The following COL21A1 variants were observed in gnomAD, a reference collection of about 807,000 sequenced individuals.
The protein encoded by COL21A1 is collagen type XXI alpha 1 chain, also known as collagen alpha-1(XXI) chain.
A neutral mutation model predicts 137.9 loss-of-function variants in COL21A1; 149 were observed. The ratio of observed to expected loss-of-function variants is 1.08; its 90% CI spans 0.95 to 1.24. COL21A1 has a LOEUF of 1.24. COL21A1 is among the 50% of genes most tolerant of loss of function. COL21A1 has a pLI of 0.00. For synonymous variants in COL21A1, 456 were observed against 391.5 expected, an observed-to-expected ratio of 1.16 and a Z score of -1.95; for missense variants, 1,167 against 1,158.4, an observed-to-expected ratio of 1.01 and a Z score of -0.11.
In COL21A1 at chr6:56,060,082, T is replaced by G; in HGVS notation, c.2544A>C (p.Pro848=). The change falls in exon 28 of 30, where the codon CCA becomes CCC. Residue 848 remains proline (P), a synonymous_variant. Coordinates refer to ENST00000244728, the MANE Select transcript of COL21A1 (RefSeq NM_030820.4). ...PEGPRGLPGL[P]GRDGVPGLVG... Reference sequence around the variant, plus strand: ...CTAATCCAGGAACACCATCTCTTCCTGGCAAACCAGGTAATCCTCTGGGAC... The same window carrying G: ...CTAATCCAGGAACACCATCTCTTCCGGGCAAACCAGGTAATCCTCTGGGAC... 6.2e-7 allele frequency: 1 copy of G among 1,610,968 alleles called. No homozygotes were observed. The highest frequency in any genetic ancestry group is 8.5e-7 in the Non-Finnish European group (1 of 1,179,036).
At position 56,170,854 on chromosome 6, in the gene COL21A1, G is replaced by C; in HGVS notation, c.821C>G (p.Pro274Arg). The C allele has an allele frequency of 6.2e-7, 1 of 1,609,038 alleles. No homozygotes were observed. The highest frequency in any genetic ancestry group is 8.5e-7 in the Non-Finnish European group (1 of 1,177,342). Residue 274 changes from proline (P) to arginine (R), a missense_variant, in exon 5 of 30, where the codon CCA becomes CGA. Coordinates refer to ENST00000244728, the MANE Select transcript of COL21A1 (RefSeq NM_030820.4). ...DLSELTSNVFPEGLPPSYVFV... is the reference protein window; with the variant it reads ...DLSELTSNVFREGLPPSYVFV... ...TACATATGATGGAGGAAGACCTTCTGGGAAAACATTGCTAGAAAAAGAAGA... is the reference window on the plus strand; with the variant it reads ...TACATATGATGGAGGAAGACCTTCTCGGAAAACATTGCTAGAAAAAGAAGA...
chr6:56,205,649 TC>T (rs1458072762), intron 1 of COL21A1, among the ~76,000 whole-genome samples: 1 of 151,962 alleles, frequency 6.6e-6, no homozygotes. Flanking sequence ...ACAAAGATAC[TC>T]CTTGAGAAGA....
At chr6:56,368,240 G>A (rs1283385998) in intron 1 of COL21A1, among the ~76,000 whole-genome samples, 1 of 152,060 alleles carries the variant, frequency 6.6e-6, no homozygotes, top group Non-Finnish European at 1.5e-5. Context: ...ATTAAAATAA[G>A]TTATTCTAGG....
chr6:56,196,525 C>A (rs1212081058), intron 1 of COL21A1, among the ~76,000 whole-genome samples: 2 of 151,982 alleles, frequency 1.3e-5, no homozygotes, highest in Non-Finnish European at 2.9e-5. Context: ...TTGTGGGATA[C>A]AAAATCAACA....
intron 1 of COL21A1, among the ~76,000 whole-genome samples, chr6:56,349,777 G>A (rs1277483279): frequency 6.6e-6 from 1 of 152,064 alleles, no homozygotes; most frequent in Admixed American, 6.6e-5. Context: ...TCATTTTAAT[G>A]AAAGACCATT....
At chr6:56,144,803 C>T (rs867628946) in intron 10 of COL21A1, among the ~76,000 whole-genome samples, 15 of 152,148 alleles carry the variant, frequency 9.9e-5, no homozygotes, top group South Asian at 2.1e-4. Context: ...AGTGGAAAGA[C>T]GATGAATTTG....
At position 56,145,251 on chromosome 6, in the gene COL21A1, G is replaced by A. The variant is rs184015667; in HGVS notation, c.1435-3268C>T. 6.8e-4 allele frequency among the ~76,000 whole-genome samples: 104 copies of A among 152,212 alleles called. 1 individual carries two copies. Among genetic ancestry groups the A allele is most frequent in the Admixed American group, 1.2e-3 (18 of 15,286 alleles). On this transcript the variant is annotated intron_variant, in intron 10 of 29. Transcript: ENST00000244728. ...TATCTTTGGAGGAATTACAATATAG[G>A]AATAATAAGTGCTTCTCACAATTTG...
chr6:56,301,520 T>C (rs769400355), intron 1 of COL21A1, among the ~76,000 whole-genome samples: 1 of 152,148 alleles, frequency 6.6e-6, no homozygotes, highest in Non-Finnish European at 1.5e-5. Context: ...AAGTTTGTGA[T>C]AGTTTTTTAG....
At chr6:56,314,168 A>T (rs1764675482) in intron 1 of COL21A1, among the ~76,000 whole-genome samples, 1 of 152,134 alleles carries the variant, frequency 6.6e-6, no homozygotes, top group African/African-American at 2.4e-5. Context: ...GTATTTTAGT[A>T]GAGGCAGGGT....
At chr6:56,123,846 A>G (rs554182671) in intron 16 of COL21A1, among the ~76,000 whole-genome samples, 1 of 152,344 alleles carries the variant, frequency 6.6e-6, no homozygotes, top group South Asian at 2.1e-4. Context: ...CAACCTTGTA[A>G]TATCCTATGA....
At chr6:56,189,174 C>G (rs899792287) in intron 1 of COL21A1, among the ~76,000 whole-genome samples, 1 of 151,876 alleles carries the variant, frequency 6.6e-6, no homozygotes, top group Non-Finnish European at 1.5e-5. Context: ...CTCCTTCAAG[C>G]TAAAGGAGCA....
chr6:56,317,636 T>C (rs186001438), intron 1 of COL21A1, among the ~76,000 whole-genome samples: 25 of 152,284 alleles, frequency 1.6e-4, no homozygotes, highest in Non-Finnish European at 3.7e-4. Flanking sequence ...CCAATGGCAT[T>C]GGTCACTACA....
chr6:56,085,768 T>G lies in COL21A1; in HGVS notation c.1813-8195A>C, dbSNP rs1376461985. On this transcript the variant is annotated intron_variant, in intron 17 of 29. Transcript: ENST00000244728. The stretch of plus-strand genomic sequence containing the variant: ...GATTTATCAGGAGCAGAATGGCCCC[T>G]AGAAAACTGAATTTTAATAGGCATT... Among the ~76,000 whole-genome samples the G allele has an allele frequency of 2.0e-5, 3 of 151,938 alleles. No homozygotes were observed. The East Asian group carries it at 5.8e-4, about 29-fold the overall frequency.
At chr6:56,154,169 A>G (rs1775554484) in intron 10 of COL21A1, among the ~76,000 whole-genome samples, 2 of 152,062 alleles carry the variant, frequency 1.3e-5, no homozygotes, top group South Asian at 4.1e-4. Context: ...AAAAAGGATG[A>G]CTGACCCCCT....
chr6:56,243,122 AT>A (rs1782438926), intron 1 of COL21A1, among the ~76,000 whole-genome samples: 1 of 152,198 alleles, frequency 6.6e-6, no homozygotes, highest in South Asian at 2.1e-4. Flanking sequence ...CATTCTAAAA[AT>A]TCTATGAGTA....
intron 1 of COL21A1, among the ~76,000 whole-genome samples, chr6:56,305,105 T>C (rs1764409513): frequency 1.3e-5 from 2 of 152,248 alleles, no homozygotes; most frequent in South Asian, 4.1e-4. Context: ...AGACAGTTTG[T>C]TACAATTTCT....
intron 1 of COL21A1, among the ~76,000 whole-genome samples, chr6:56,323,697 C>G (rs1293638476): frequency 6.6e-6 from 1 of 152,088 alleles, no homozygotes; most frequent in East Asian, 1.9e-4. Context: ...AATGTTGCCT[C>G]TTTGAAGGAG....
chr6:56,270,354 AC>A (rs1158848037), intron 1 of COL21A1, among the ~76,000 whole-genome samples: 9 of 152,262 alleles, frequency 5.9e-5, no homozygotes, highest in African/African-American at 2.2e-4. Context: ...ATCCAATTCA[AC>A]AAGAAGACTT....
chr6:56,366,339 T>C (rs1026240787), intron 1 of COL21A1, among the ~76,000 whole-genome samples: 4 of 152,200 alleles, frequency 2.6e-5, no homozygotes, highest in African/African-American at 9.6e-5. Context: ...ACTGGTCTTA[T>C]ACTAGGACTG....
Sources: gnomAD v4.1 joint callset for allele counts (sites outside exome capture counted in the v4.1 genomes callset) on GRCh38, gnomAD v4.1.1 for gene constraint, MANE v1.5 for transcripts, NCBI Gene and HGNC (gene_info 2026-07-23, HGNC 2026-07-21) for gene names.